Variants in RBPMS observed in about 807,000 individuals in gnomAD.
RBPMS encodes RNA binding protein, mRNA processing factor.
A neutral mutation model predicts 26.8 loss-of-function variants in RBPMS; 7 were observed. The ratio of observed to expected loss-of-function variants is 0.26; its 90% CI spans 0.15 to 0.49. RBPMS has a LOEUF of 0.49. RBPMS is among the 20% of genes least tolerant of loss of function. The pLI, the probability that RBPMS is intolerant of heterozygous loss-of-function variation, is 0.98. For synonymous variants in RBPMS, 96 were observed against 93.3 expected, an observed-to-expected ratio of 1.03 and a Z score of -0.17; for missense variants, 186 against 250.0, an observed-to-expected ratio of 0.74 and a Z score of 1.73.
chr8:30,496,397 C>T (rs562900458), intron 4 of RBPMS, among the ~76,000 whole-genome samples: 33 of 152,096 alleles, frequency 2.2e-4, no homozygotes, highest in Middle Eastern at 3.4e-3. Context: ...CTCGATCTCC[C>T]AACCTCGTGA....
chr8:30,391,921 T>C (rs1235737501), intron 1 of RBPMS, among the ~76,000 whole-genome samples: 3 of 152,002 alleles, frequency 2.0e-5, no homozygotes, highest in Non-Finnish European at 4.4e-5. Context: ...CTAACTTTTA[T>C]TGAGTATTTA....
At chr8:30,474,440 G>A (rs534223570) in intron 1 of RBPMS, among the ~76,000 whole-genome samples, 1 of 152,110 alleles carries the variant, frequency 6.6e-6, no homozygotes, top group African/African-American at 2.4e-5. Flanking sequence ...CACATTTTTA[G>A]AAGTGTGCAA....
At chr8:30,462,706 C>T (rs1351509465) in intron 1 of RBPMS, among the ~76,000 whole-genome samples, 2 of 152,082 alleles carry the variant, frequency 1.3e-5, no homozygotes, top group Non-Finnish European at 2.9e-5. Flanking sequence ...GGATCACAGA[C>T]GTGAGCCACT....
chr8:30,438,169 C>G (rs1490053332), intron 1 of RBPMS, among the ~76,000 whole-genome samples: 5 of 152,158 alleles, frequency 3.3e-5, no homozygotes, highest in African/African-American at 1.2e-4. Flanking sequence ...GTAATCCCAA[C>G]ACTTTGGGAG....
intron 1 of RBPMS, among the ~76,000 whole-genome samples, chr8:30,435,409 G>A (rs1427924548): frequency 6.6e-6 from 1 of 152,156 alleles, no homozygotes; most frequent in Non-Finnish European, 1.5e-5. Flanking sequence ...GAGGTGCTAA[G>A]CTATAACAAA....
chr8:30,468,863 G>A (rs761824064), intron 1 of RBPMS, among the ~76,000 whole-genome samples: 1 of 152,022 alleles, frequency 6.6e-6, no homozygotes, highest in Admixed American at 6.6e-5. Context: ...AGAGAGAGAT[G>A]AATGTAGCCA....
intron 1 of RBPMS, among the ~76,000 whole-genome samples, chr8:30,456,459 T>C (rs1815227167): frequency 6.6e-6 from 1 of 151,670 alleles, no homozygotes; most frequent in South Asian, 2.1e-4. Context: ...AGCAAAAAAG[T>C]ATTGCATGTG....
At chr8:30,489,171 C>T (rs994487752) in intron 4 of RBPMS, among the ~76,000 whole-genome samples, 2 of 151,546 alleles carry the variant, frequency 1.3e-5, no homozygotes, top group African/African-American at 2.4e-5. Flanking sequence ...CTCAGCCTCC[C>T]GAATAGCTGG....
intron 1 of RBPMS, among the ~76,000 whole-genome samples, chr8:30,424,475 C>T (rs554034870): frequency 6.6e-6 from 1 of 152,112 alleles, no homozygotes; most frequent in African/African-American, 2.4e-5. Context: ...GTCAATAAGC[C>T]CAGCTTTTGT....
chr8:30,429,233 G>A (rs1811678542), intron 1 of RBPMS, among the ~76,000 whole-genome samples: 1 of 152,174 alleles, frequency 6.6e-6, no homozygotes, highest in Admixed American at 6.5e-5. Flanking sequence ...AGGGGTGTTT[G>A]TCATCACGTG....
At chr8:30,539,478 ATG>A (rs1825149623) in intron 5 of RBPMS, among the ~76,000 whole-genome samples, 1 of 151,916 alleles carries the variant, frequency 6.6e-6, no homozygotes, top group Admixed American at 6.6e-5. Flanking sequence ...TGGTGCCTTT[ATG>A]TGCTTATTTC....
At chr8:30,468,372 C>G (rs902411195) in intron 1 of RBPMS, among the ~76,000 whole-genome samples, 5 of 152,106 alleles carry the variant, frequency 3.3e-5, no homozygotes, top group African/African-American at 1.2e-4. Context: ...CTATCTCTTA[C>G]ATTTTTCTCC....
intron 1 of RBPMS, among the ~76,000 whole-genome samples, chr8:30,451,341 G>A (rs556440871): frequency 7.9e-5 from 12 of 152,302 alleles, no homozygotes; most frequent in African/African-American, 2.9e-4. Context: ...ATATTATCAA[G>A]AATTGCTTCA....
At chr8:30,526,208 T>C (rs1208765775) in intron 5 of RBPMS, among the ~76,000 whole-genome samples, 1 of 152,182 alleles carries the variant, frequency 6.6e-6, no homozygotes, top group Non-Finnish European at 1.5e-5. Context: ...AATACTCAGC[T>C]CTGGGAGTCC....
intron 6 of RBPMS, chr8:30,552,677 ACC>A (rs981377352): frequency 4.1e-4 from 63 of 152,202 alleles, no homozygotes; most frequent in African/African-American, 1.4e-3. Flanking sequence ...GGTGCTTTTA[ACC>A]CAAGTGGCAT....
intron 5 of RBPMS, among the ~76,000 whole-genome samples, chr8:30,523,045 A>G (rs1823222799): frequency 6.6e-6 from 1 of 152,178 alleles, no homozygotes; most frequent in Non-Finnish European, 1.5e-5. Context: ...AAAATTAATA[A>G]TATGAGCATC....
Position 30,518,687 on chromosome 8 carries a change from C to CTTTTTTTTTTTTTTTTTTTTTTTTTTTTT in RBPMS, c.397+14279_397+14280insTTTTTTTTTTTTTTTTTTTTTTTTTTTTT, listed in dbSNP as rs58763494. 1.6e-4 allele frequency among the ~76,000 whole-genome samples: 3 copies of CTTTTTTTTTTTTTTTTTTTTTTTTTTTTT among 18,244 alleles called. 1 individual carries two copies. The East Asian group carries it at 5.7e-3, about 35-fold the overall frequency. The allele number at this position is 18,244 out of a possible 152,430, so 12.0% of individuals were successfully genotyped here. ...CAGTGATCCGCCCGGCCAAGCATGA[C>CTTTTTTTTTTTTTTTTTTTTTTTTTTTTT]TTTTTTTTTTTTTTTTTTTTTTTTT... On this transcript the variant is annotated intron_variant, in intron 5 of 8. Coordinates refer to ENST00000397323, the MANE Select transcript of RBPMS (RefSeq NM_001008710.3).
intron 1 of RBPMS, among the ~76,000 whole-genome samples, chr8:30,462,600 T>C (rs1056642922): frequency 6.6e-6 from 1 of 152,050 alleles, no homozygotes; most frequent in Non-Finnish European, 1.5e-5. Flanking sequence ...TTTGTATTTT[T>C]AGTAGAGACG....
intron 1 of RBPMS, among the ~76,000 whole-genome samples, chr8:30,428,015 C>T (rs1434492633): frequency 6.7e-6 from 1 of 149,362 alleles, no homozygotes; most frequent in East Asian, 2.0e-4. Context: ...AAAATGAGAC[C>T]CCATCTTTTT....
Sources: allele counts gnomAD v4.1 joint callset (sites outside exome capture counted in the v4.1 genomes callset), GRCh38; gene constraint gnomAD v4.1.1; transcripts MANE v1.5; gene names NCBI Gene and HGNC (gene_info 2026-07-23, HGNC 2026-07-21).